The following TIMM23B variants were observed in gnomAD, a reference collection of about 807,000 sequenced individuals.
TIMM23B encodes translocase of inner mitochondrial membrane 23 homolog B.
TIMM23B carries 27 observed loss-of-function variants against 27.3 expected under a neutral mutation model. That is an observed-to-expected ratio of 0.99 (90% CI 0.73 to 1.36). The LOEUF (loss-of-function observed/expected upper bound fraction) is 1.36. TIMM23B is among the 40% of genes most tolerant of loss of function. The pLI is 0.00. For missense variants in TIMM23B, 205 were observed against 244.2 expected (o/e 0.84, Z 1.07); for synonymous variants, 73 against 92.4 (o/e 0.79, Z 1.21).
chr10:49,959,428 G>A (rs1839826108), intron 6 of TIMM23B, among the ~76,000 whole-genome samples: 1 of 152,012 alleles, frequency 6.6e-6, no homozygotes, highest in Non-Finnish European at 1.5e-5. Flanking sequence ...TGCTGTCAAG[G>A]GTCAGATAAT....
intron 1 of TIMM23B, among the ~76,000 whole-genome samples, chr10:49,942,926 G>A (rs1839198332): frequency 6.6e-6 from 1 of 152,190 alleles, no homozygotes; most frequent in African/African-American, 2.4e-5. Flanking sequence ...CCTCGGTCTT[G>A]TGAATATGTT....
In TIMM23B at chr10:49,958,411, C is replaced by G; in HGVS notation, c.445C>G (p.Arg149Gly). 3.1e-6 allele frequency: 5 copies of G among 1,613,828 alleles called. No homozygotes were observed. Among genetic ancestry groups the G allele is most frequent in the Non-Finnish European group, 3.4e-6 (4 of 1,179,796 alleles). ...SAFGVIIEKT[R>G]GAEDDLNTVA... ...ATTTGGTGTCATCATTGAGAAAACACGAGGTGCAGAAGATGACCTTAACAC... is the reference window on the plus strand; with the variant it reads ...ATTTGGTGTCATCATTGAGAAAACAGGAGGTGCAGAAGATGACCTTAACAC... Residue 149 changes from arginine (R) to glycine (G), a missense_variant, in exon 6 of 7, where the codon CGA becomes GGA. Transcript: ENST00000651259.
At chr10:49,949,546 G>A (rs1245404651) in intron 2 of TIMM23B, among the ~76,000 whole-genome samples, 1 of 151,892 alleles carries the variant, frequency 6.6e-6, no homozygotes, top group African/African-American at 2.4e-5. Context: ...TTGTAGCCCT[G>A]CATTGCTAGG....
intron 6 of TIMM23B, among the ~76,000 whole-genome samples, chr10:49,964,213 G>T (rs1449429387): frequency 6.7e-6 from 1 of 148,724 alleles, no homozygotes; most frequent in East Asian, 2.0e-4. Flanking sequence ...ATGAAATGAA[G>T]AAATGAAATA....
intron 5 of TIMM23B, among the ~76,000 whole-genome samples, chr10:49,957,593 A>G (rs1839768913): frequency 6.6e-6 from 1 of 152,078 alleles, no homozygotes; most frequent in Non-Finnish European, 1.5e-5. Context: ...TAGCCCAGTC[A>G]AGGAATACAT....
At chr10:49,944,139 G>T (rs1490905901) in intron 1 of TIMM23B, among the ~76,000 whole-genome samples, 3 of 152,238 alleles carry the variant, frequency 2.0e-5, no homozygotes, top group Non-Finnish European at 2.9e-5. Flanking sequence ...GACAGCTAAT[G>T]TAGGATTTTG....
intron 1 of TIMM23B, among the ~76,000 whole-genome samples, chr10:49,942,709 A>C (rs1425815503): frequency 2.6e-5 from 4 of 152,212 alleles, no homozygotes; most frequent in Admixed American, 2.0e-4. Flanking sequence ...AAGTAGCCGT[A>C]AGGGCAGAAT....
chr10:49,948,536 T>TA (rs1368652289), intron 2 of TIMM23B, among the ~76,000 whole-genome samples: 4 of 152,154 alleles, frequency 2.6e-5, no homozygotes, highest in African/African-American at 9.7e-5. Context: ...TATTTGGTAA[T>TA]AAAAAAAGAA....
intron 1 of TIMM23B, among the ~76,000 whole-genome samples, chr10:49,944,113 C>G (rs1432074896): frequency 6.6e-6 from 1 of 152,160 alleles, no homozygotes; most frequent in African/African-American, 2.4e-5. Context: ...CTTGTGAAAT[C>G]AGAGAGGTAG....
rs1475333685 is a variant in TIMM23B, at chr10:49,973,807, T to C, written c.*743T>C. 1 of 151,498 alleles carries C rather than the reference T, an allele frequency of 6.6e-6. No individual in the cohort carries two copies. The highest frequency in any genetic ancestry group is 1.9e-4 in the East Asian group (1 of 5,202). The allele number at this position is 151,498 out of a possible 1,614,324, so 9.4% of individuals were successfully genotyped here. A position where few individuals can be genotyped will look rare whatever the true frequency, so the allele number is the denominator to read the frequency against. On this transcript the variant is annotated 3_prime_UTR_variant, in exon 7 of 7. Coordinates refer to ENST00000651259, the MANE Select transcript of TIMM23B (RefSeq NM_001290117.2). ...CTTCTCAGAATGAAGGTAATTTTTT[T>C]TTTTTCTTTTTTTTTGAGATGGAGT...
intron 6 of TIMM23B, among the ~76,000 whole-genome samples, chr10:49,965,790 G>T (rs1446739636): frequency 4.6e-5 from 7 of 150,562 alleles, no homozygotes; most frequent in Non-Finnish European, 8.9e-5. Flanking sequence ...AATGGAGCGA[G>T]TCTCCATCGA....
intron 2 of TIMM23B, among the ~76,000 whole-genome samples, chr10:49,948,152 GAAAT>G (rs1266484214): frequency 6.6e-6 from 1 of 152,142 alleles, no homozygotes; most frequent in East Asian, 1.9e-4. Context: ...ATTAATTAGA[GAAAT>G]AAAACCACAA....
Position 49,952,173 on chromosome 10 carries a change from C to T in TIMM23B, c.213C>T (p.Gly71=). 1 of 1,605,394 alleles carries T rather than the reference C, an allele frequency of 6.2e-7. No homozygotes were observed. The change falls in exon 3 of 7, where the codon GGC becomes GGT. Residue 71 remains glycine (G), a synonymous_variant. Transcript: ENST00000651259. ...CTACCGGAGCTAATAAAACCTGGGG[C>T]AGATTTGAGCTGGCCTTCTTTACGA... ...ILPTGANKTW[G]RFELAFFTIG...
At chr10:49,956,469 G>GTGTGTGTA in intron 5 of TIMM23B, among the ~76,000 whole-genome samples, 1 of 88,146 alleles carries the variant, frequency 1.1e-5, no homozygotes, top group South Asian at 3.5e-4. Context: ...GTGTGTGTGT[G>GTGTGTGTA]TATGTGTGTC....
chr10:49,943,481 G>A (rs1478956651), intron 1 of TIMM23B: 1 of 151,590 alleles, frequency 6.6e-6, no homozygotes, highest in Non-Finnish European at 1.5e-5. Flanking sequence ...CTCCTGTCTC[G>A]GCCTCCCAAA....
intron 6 of TIMM23B, among the ~76,000 whole-genome samples, chr10:49,966,064 A>AC (rs1554855390): frequency 2.3e-4 from 25 of 110,146 alleles, no homozygotes; most frequent in Non-Finnish European, 3.5e-4. Flanking sequence ...TCTCGAAATG[A>AC]AATGACATGA....
chr10:49,964,099 G>A (rs1840023282), intron 6 of TIMM23B, among the ~76,000 whole-genome samples: 1 of 151,068 alleles, frequency 6.6e-6, no homozygotes. Flanking sequence ...TGGGAATATG[G>A]GAATGGAATA....
At chr10:49,956,070 T>C (rs1342295431) in intron 5 of TIMM23B, among the ~76,000 whole-genome samples, 2 of 106,492 alleles carry the variant, frequency 1.9e-5, no homozygotes, top group Non-Finnish European at 3.4e-5. Context: ...CTGGACAAAC[T>C]AGAATGGCTG....
At chr10:49,966,696 G>A (rs186735035) in intron 6 of TIMM23B, among the ~76,000 whole-genome samples, 1 of 152,026 alleles carries the variant, frequency 6.6e-6, no homozygotes, top group Admixed American at 6.6e-5. Context: ...ATGATAGCGG[G>A]TGCCTGTAAT....
Sources: allele counts gnomAD v4.1 joint callset (sites outside exome capture counted in the v4.1 genomes callset), GRCh38; gene constraint gnomAD v4.1.1; transcripts MANE v1.5; gene names NCBI Gene and HGNC (gene_info 2026-07-23, HGNC 2026-07-21).